The following ANKRD45 variants were observed in gnomAD, a reference collection of about 807,000 sequenced individuals.
ANKRD45 encodes ankyrin repeat domain-containing protein 45.
ANKRD45 carries 21 observed loss-of-function variants against 28.1 expected under a neutral mutation model. The observed-to-expected ratio is 0.75, with a 90% CI of 0.53 to 1.08. ANKRD45 has a LOEUF of 1.08. Among genes scored for constraint, ANKRD45 ranks in the 50% least tolerant of loss-of-function variants. The pLI, the probability that ANKRD45 is intolerant of heterozygous loss-of-function variation, is 0.00. For synonymous variants in ANKRD45, 86 were observed against 103.9 expected (o/e 0.83, Z 1.05); for missense variants, 261 against 308.7 (o/e 0.85, Z 1.16).
intron 2 of ANKRD45, among the ~76,000 whole-genome samples, chr1:173,656,042 C>A (rs2422467): frequency 2.6e-5 from 4 of 152,168 alleles, no homozygotes; most frequent in Non-Finnish European, 5.9e-5. Flanking sequence ...GGGAAATCCC[C>A]TGACCCCTTG....
intron 2 of ANKRD45, among the ~76,000 whole-genome samples, chr1:173,654,616 T>C (rs1402604159): frequency 2.6e-5 from 4 of 152,218 alleles, no homozygotes; most frequent in Non-Finnish European, 4.4e-5. Context: ...TGGTGTTCTC[T>C]GAATTTCCTA....
At chr1:173,648,121 G>A (rs975107069) in intron 2 of ANKRD45, among the ~76,000 whole-genome samples, 1 of 152,044 alleles carries the variant, frequency 6.6e-6, no homozygotes, top group African/African-American at 2.4e-5. Context: ...TGTATTTTTA[G>A]TAGAGACAGG....
At chr1:173,648,979 T>C (rs996507071) in intron 2 of ANKRD45, among the ~76,000 whole-genome samples, 6 of 152,222 alleles carry the variant, frequency 3.9e-5, no homozygotes, top group Non-Finnish European at 8.8e-5. Flanking sequence ...GTAAAATCCA[T>C]GCTCTTAACC....
chr1:173,694,295 C>T, the ANKRD45 span, among the ~76,000 whole-genome samples: 2 of 152,184 alleles, frequency 1.3e-5, no homozygotes, highest in South Asian at 2.1e-4. Context: ...TCCCAAGTAG[C>T]TGGGACTACA....
upstream of ANKRD45, among the ~76,000 whole-genome samples, chr1:173,671,681 T>C (rs537900955): frequency 2.1e-5 from 3 of 145,494 alleles, no homozygotes; most frequent in Non-Finnish European, 4.5e-5. Flanking sequence ...CCATCCTGGC[T>C]AACACAGTGA....
intron 2 of ANKRD45, among the ~76,000 whole-genome samples, chr1:173,657,064 C>T (rs903926576): frequency 2.0e-5 from 3 of 149,010 alleles, no homozygotes; most frequent in African/African-American, 7.4e-5. Context: ...AGGTGTGAGC[C>T]ACCACACCTG....
At chr1:173,675,697 GA>G in the ANKRD45 span, among the ~76,000 whole-genome samples, 3 of 152,126 alleles carry the variant, frequency 2.0e-5, no homozygotes, top group Admixed American at 6.5e-5. Flanking sequence ...GGCAAGACTA[GA>G]ATCTAACAAC....
the ANKRD45 span, among the ~76,000 whole-genome samples, chr1:173,709,102 C>G: frequency 3.3e-4 from 51 of 152,366 alleles, no homozygotes; most frequent in African/African-American, 1.2e-3. Flanking sequence ...GTCCTTGCCT[C>G]TCTGGCTTTA....
chr1:173,688,738 CCTCT>C, the ANKRD45 span, among the ~76,000 whole-genome samples: 8 of 128,278 alleles, frequency 6.2e-5, 1 homozygote, highest in African/African-American at 3.7e-4. Flanking sequence ...CTGCCTCTTT[CCTCT>C]CTCTCTTTCT....
At chr1:173,628,263 A>G (rs1449802469) in intron 3 of ANKRD45, among the ~76,000 whole-genome samples, 3 of 151,278 alleles carry the variant, frequency 2.0e-5, no homozygotes, top group Non-Finnish European at 2.9e-5. Context: ...GGAAGAGTAA[A>G]TGGGACTTTG....
intron 5 of ANKRD45, among the ~76,000 whole-genome samples, chr1:173,613,748 C>T (rs1667336308): frequency 6.6e-6 from 1 of 152,152 alleles, no homozygotes; most frequent in Non-Finnish European, 1.5e-5. Flanking sequence ...TCTACCCGGC[C>T]ACCACCCCGT....
At chr1:173,643,150 A>C (rs1457444552) in intron 3 of ANKRD45, among the ~76,000 whole-genome samples, 2 of 149,584 alleles carry the variant, frequency 1.3e-5, no homozygotes, top group African/African-American at 4.9e-5. Context: ...AATATCTGTG[A>C]CTTGTCTTAT....
the ANKRD45 span, among the ~76,000 whole-genome samples, chr1:173,677,740 T>C: frequency 1.3e-5 from 2 of 152,162 alleles, no homozygotes; most frequent in East Asian, 3.9e-4. Context: ...TAAAAGCACA[T>C]ACAGAAAGAT....
At chr1:173,700,566 T>A in the ANKRD45 span, among the ~76,000 whole-genome samples, 1 of 152,068 alleles carries the variant, frequency 6.6e-6, no homozygotes. Context: ...AAACAAGAAA[T>A]GGGGAAAGGA....
the ANKRD45 span, among the ~76,000 whole-genome samples, chr1:173,678,139 C>T: frequency 2.6e-5 from 4 of 152,162 alleles, no homozygotes; most frequent in Non-Finnish European, 4.4e-5. Flanking sequence ...TACTACCAGA[C>T]GTACAAAGAG....
chr1:173,610,262 T>C, intron 5 of ANKRD45, 47 bp from the exon 6 acceptor site: 1 of 1,545,226 alleles, frequency 6.5e-7, no homozygotes, highest in African/African-American at 1.4e-5. Context: ...GTTTGCAATA[T>C]GAAACAAAAT....
intron 3 of ANKRD45, among the ~76,000 whole-genome samples, chr1:173,637,523 T>A (rs1285586456): frequency 6.6e-6 from 1 of 152,182 alleles, no homozygotes; most frequent in Non-Finnish European, 1.5e-5. Context: ...TTTGCCTCTC[T>A]CAGCATTCCA....
the ANKRD45 span, among the ~76,000 whole-genome samples, chr1:173,712,908 G>A: frequency 6.6e-6 from 1 of 152,212 alleles, no homozygotes; most frequent in South Asian, 2.1e-4. Flanking sequence ...GATTCAATAG[G>A]TCTGTAATGG....
At chr1:173,699,017 A>C in the ANKRD45 span, among the ~76,000 whole-genome samples, 1 of 152,316 alleles carries the variant, frequency 6.6e-6, no homozygotes. Flanking sequence ...AGAAATACAA[A>C]CTACCATCAG....
Sources: allele counts gnomAD v4.1 joint callset (sites outside exome capture counted in the v4.1 genomes callset), GRCh38; gene constraint gnomAD v4.1.1; transcripts MANE v1.5; gene names NCBI Gene and HGNC (gene_info 2026-07-23, HGNC 2026-07-21).